Variants in CENPS observed in about 807,000 individuals in gnomAD.
CENPS encodes the protein FANCM associated histone fold protein 1.
CENPS carries 16 observed loss-of-function variants against 17.9 expected under a neutral mutation model. The observed-to-expected ratio is 0.90, with a 90% CI of 0.61 to 1.36. The LOEUF (loss-of-function observed/expected upper bound fraction) is 1.36. Ranked by LOEUF, CENPS falls within the 40% of genes most tolerant of loss-of-function variation. CENPS has a pLI of 0.00. For synonymous variants in CENPS, 49 were observed against 55.8 expected, an observed-to-expected ratio of 0.88 and a Z score of 0.54; for missense variants, 160 against 158.6, an observed-to-expected ratio of 1.01 and a Z score of -0.05.
At chr1:10,436,952 T>C (rs964776808) in intron 3 of CENPS, among the ~76,000 whole-genome samples, 2 of 152,174 alleles carry the variant, frequency 1.3e-5, no homozygotes, top group African/African-American at 4.8e-5. Flanking sequence ...AAAATTGATA[T>C]TCCTGGAAGG....
intron 3 of CENPS, among the ~76,000 whole-genome samples, chr1:10,439,359 T>C (rs888906026): frequency 2.0e-5 from 3 of 152,166 alleles, no homozygotes; most frequent in Admixed American, 6.6e-5. Flanking sequence ...TGAATCGAGC[T>C]TATTATCTCA....
chr1:10,435,279 T>A (rs1640099841), intron 3 of CENPS, among the ~76,000 whole-genome samples: 1 of 152,212 alleles, frequency 6.6e-6, no homozygotes, highest in African/African-American at 2.4e-5. Flanking sequence ...TGCACCAAAT[T>A]GCTTTTATGA....
chr1:10,433,095 C>T (rs557197778), intron 1 of CENPS, among the ~76,000 whole-genome samples: 48 of 152,310 alleles, frequency 3.2e-4, no homozygotes, highest in African/African-American at 1.1e-3. Context: ...TGCAGCTCAG[C>T]TGTGTCTTCG....
At chr1:10,441,579 G>A (rs1243040730) in intron 4 of CENPS, among the ~76,000 whole-genome samples, 1 of 146,846 alleles carries the variant, frequency 6.8e-6, no homozygotes, top group African/African-American at 2.5e-5. Context: ...CTCCCAAAGT[G>A]CTGGGATTCC....
chr1:10,433,837 C>G lies in CENPS; in HGVS notation c.52-5C>G. 6.2e-7 allele frequency: 1 copy of G among 1,613,820 alleles called. No homozygotes were observed. The highest frequency in any genetic ancestry group is 1.1e-5 in the South Asian group (1 of 91,024). ...CCCGTGAAATATTTTGATGTTTTTC[C>G]CCAGAGGCTAAAGGCAGCAGTTCAC... is the stretch of plus-strand genomic sequence containing the variant. On this transcript the variant is annotated splice_polypyrimidine_tract_variant and splice_region_variant and intron_variant, in intron 1 of 4. Transcript: ENST00000309048.
intron 1 of CENPS, among the ~76,000 whole-genome samples, chr1:10,433,109 C>A (rs1273826993): frequency 6.6e-6 from 1 of 152,132 alleles, no homozygotes; most frequent in Non-Finnish European, 1.5e-5. Context: ...GTCTTCGGCC[C>A]CGAGGCGGAG....
intron 3 of CENPS, 115 bp downstream of exon 3, chr1:10,434,805 G>A: frequency 7.2e-7 from 1 of 1,382,426 alleles, no homozygotes; most frequent in Non-Finnish European, 9.6e-7. Context: ...GTGTTTTGTG[G>A]AGGCTTGTCT....
At chr1:10,435,706 T>TACACGCACACACAC (rs1405520586) in intron 3 of CENPS, among the ~76,000 whole-genome samples, 1 of 141,760 alleles carries the variant, frequency 7.1e-6, no homozygotes, top group Non-Finnish European at 1.5e-5. Flanking sequence ...AAAAATAATA[T>TACACGCACACACAC]ATATATATAT....
chr1:10,432,308 CTCCTGACCTCAAG>C (rs557289956), intron 1 of CENPS, among the ~76,000 whole-genome samples: 309 of 152,272 alleles, frequency 2.0e-3, no homozygotes, highest in Non-Finnish European at 3.5e-3. Flanking sequence ...TGGTTTTGAA[CTCCTGACCTCAAG>C]TGATCTGCCC....
chr1:10,430,722 G>A (rs1420670439), intron 1 of CENPS, 154 bp downstream of exon 1: 2 of 1,411,184 alleles, frequency 1.4e-6, no homozygotes, highest in Non-Finnish European at 1.8e-6. Flanking sequence ...TGCCGCGGGT[G>A]GTGCTGGGAG....
In CENPS at chr1:10,430,860, G is replaced by A. The variant is rs542199837; in HGVS notation, c.51+292G>A. ...CCTTCTGGCCTTGCGATGAATCCTC[G>A]GTTTCCCCTTCTCAGATGGGGTTTT... On this transcript the variant is annotated intron_variant, in intron 1 of 4. Transcript: ENST00000309048. The A allele has an allele frequency of 3.3e-5, 43 of 1,315,502 alleles. No homozygotes were observed. The South Asian group carries it at 7.4e-4, about 23-fold the overall frequency. The allele number at this position is 1,315,502 out of a possible 1,614,324, so 81.5% of individuals were successfully genotyped here.
chr1:10,434,527 T>C lies in CENPS; in HGVS notation c.176-130T>C, dbSNP rs1459811951. On this transcript the variant is annotated intron_variant, in intron 2 of 4. Coordinates refer to ENST00000309048, the MANE Select transcript of CENPS (RefSeq NM_199294.3). ...GTGGGGCTGCTGGAAATGCCTCCTT[T>C]CACCTTTAAGAGGGTTTGTTATATT... 6 of 1,367,668 alleles carry C rather than the reference T, an allele frequency of 4.4e-6. No homozygotes were observed. In the Admixed American group the frequency reaches 1.8e-4, roughly 40 times the overall value. 84.7% of individuals were successfully genotyped at this position (1,367,668 alleles called of 1,614,324 possible).
intron 4 of CENPS, among the ~76,000 whole-genome samples, chr1:10,441,826 C>A (rs982902162): frequency 6.6e-6 from 1 of 150,990 alleles, no homozygotes; most frequent in Non-Finnish European, 1.5e-5. Flanking sequence ...GGGGTTTCAC[C>A]GTGTTAGCCA....
intron 3 of CENPS, among the ~76,000 whole-genome samples, chr1:10,439,559 G>A (rs1179707939): frequency 6.6e-6 from 1 of 152,072 alleles, no homozygotes; most frequent in South Asian, 2.1e-4. Flanking sequence ...GGCCAAGATG[G>A]TGAAATCCTG....
chr1:10,430,677 G>A, intron 1 of CENPS, 109 bp downstream of exon 1: 1 of 1,435,726 alleles, frequency 7.0e-7, no homozygotes, highest in Non-Finnish European at 9.1e-7. Context: ...CCCGCCCCCG[G>A]GCGCCCCCCG....
At chr1:10,440,853 C>T (rs1321349703) in intron 4 of CENPS, among the ~76,000 whole-genome samples, 1 of 149,036 alleles carries the variant, frequency 6.7e-6, no homozygotes, top group Admixed American at 6.8e-5. Context: ...GACCAAGCCT[C>T]CGTTGTTCAG....
rs1639906588 is a variant in CENPS at position 10,431,394 on chromosome 1, A to G, written c.51+826A>G. The G allele has an allele frequency of 2.6e-6, 4 of 1,535,260 alleles. No individual in the cohort carries two copies. In the African/African-American group the frequency reaches 4.1e-5, roughly 16 times the overall value. On this transcript the variant is annotated intron_variant, in intron 1 of 4. Transcript: ENST00000309048. The stretch of plus-strand genomic sequence containing the variant: ...AGTTCAAACCTTCAGAAAAGTTGCA[A>G]GAACACGGTACAGAATGCCCAGATG...
intron 3 of CENPS, among the ~76,000 whole-genome samples, chr1:10,435,153 G>A (rs552086624): frequency 7.2e-5 from 11 of 152,268 alleles, no homozygotes; most frequent in African/African-American, 2.2e-4. Context: ...CATTTGTTCC[G>A]AGTAAGACGC....
chr1:10,433,304 C>G (rs1436486283), intron 1 of CENPS, among the ~76,000 whole-genome samples: 1 of 152,170 alleles, frequency 6.6e-6, no homozygotes. Context: ...CCTCCCAACC[C>G]TCCAAATCGA....
Sources: gnomAD v4.1 joint callset for allele counts (sites outside exome capture counted in the v4.1 genomes callset) on GRCh38, gnomAD v4.1.1 for gene constraint, MANE v1.5 for transcripts, NCBI Gene and HGNC (gene_info 2026-07-23, HGNC 2026-07-21) for gene names.